The following SCMH1 variants were observed in gnomAD, a reference collection of about 807,000 sequenced individuals.
SCMH1 encodes Scm polycomb group protein homolog 1.
Under a neutral mutation model 70.8 loss-of-function variants are expected in SCMH1, and 37 were observed. The ratio of observed to expected loss-of-function variants is 0.52; its 90% CI spans 0.40 to 0.69. The LOEUF (loss-of-function observed/expected upper bound fraction) is 0.69. Among genes scored for constraint, SCMH1 ranks in the 30% least tolerant of loss-of-function variants. The pLI, the probability that SCMH1 is intolerant of heterozygous loss-of-function variation, is 0.00. For missense variants in SCMH1, 607 were observed against 827.3 expected (o/e 0.73, Z 3.27); for synonymous variants, 292 against 307.4 (o/e 0.95, Z 0.52).
intron 8 of SCMH1, among the ~76,000 whole-genome samples, chr1:41,089,787 C>CTCTT (rs1240914488): frequency 1.4e-4 from 8 of 58,732 alleles, no homozygotes; most frequent in East Asian, 6.0e-4. Flanking sequence ...CATGTTGTCT[C>CTCTT]TTTTTTTTTT....
At chr1:41,035,839 CT>C (rs57454247) in intron 13 of SCMH1, among the ~76,000 whole-genome samples, 11,880 of 152,260 alleles carry the variant, frequency 0.078, 593 homozygotes, top group South Asian at 0.12. Flanking sequence ...GCCTTCACCC[CT>C]CCACCACAGC....
chr1:41,051,298 G>A (rs1239579992), intron 10 of SCMH1, among the ~76,000 whole-genome samples: 2 of 152,146 alleles, frequency 1.3e-5, no homozygotes, highest in East Asian at 3.8e-4. Context: ...AAATAATATA[G>A]CATATAGGAT....
Position 41,142,858 on chromosome 1 carries a change from G to C in SCMH1, c.412+20C>G. On this transcript the variant is annotated intron_variant, in intron 6 of 14. Transcript: ENST00000337495. ...AACTATTAATAATTGGCTAGAAAGA[G>C]TTTGGGTTTACTTACTCACCAAGAG... 2 of 1,587,686 alleles carry C rather than the reference G, an allele frequency of 1.3e-6. No homozygotes were observed. The highest frequency in any genetic ancestry group is 1.7e-6 in the Non-Finnish European group (2 of 1,156,010).
chr1:41,215,121 G>A (rs1657824172), intron 1 of SCMH1, among the ~76,000 whole-genome samples: 1 of 152,256 alleles, frequency 6.6e-6, no homozygotes, highest in Non-Finnish European at 1.5e-5. Context: ...TTCAGAGACA[G>A]TTAAGTGTTA....
chr1:41,165,843 CTTCA>C (rs1274755445), intron 2 of SCMH1, among the ~76,000 whole-genome samples: 2 of 152,056 alleles, frequency 1.3e-5, no homozygotes, highest in East Asian at 1.9e-4. Flanking sequence ...TGTCTCTTTC[CTTCA>C]TTGTTTCCTT....
intron 2 of SCMH1, among the ~76,000 whole-genome samples, chr1:41,183,858 T>C (rs1474119851): frequency 6.6e-6 from 1 of 151,914 alleles, no homozygotes; most frequent in Non-Finnish European, 1.5e-5. Flanking sequence ...CTGCAGATAA[T>C]ATGTCATTTA....
rs1045828040 is a variant in SCMH1, at chr1:41,178,026, T to A, written c.13+8095A>T. 2.6e-5 allele frequency among the ~76,000 whole-genome samples: 4 copies of A among 152,354 alleles called. No homozygotes were observed. In the East Asian group the frequency reaches 7.7e-4, roughly 29 times the overall value. On this transcript the variant is annotated intron_variant, in intron 2 of 14. Coordinates refer to ENST00000337495, the Ensembl canonical transcript of SCMH1. ...ACCCACAAAGGGAAGCCCATCAGAC[T>A]AACAGCTGTTCTCTCGGCAGAAACT...
intron 4 of SCMH1, among the ~76,000 whole-genome samples, chr1:41,156,754 G>T (rs1330771984): frequency 6.6e-6 from 1 of 151,964 alleles, no homozygotes; most frequent in Non-Finnish European, 1.5e-5. Context: ...CTAAGGGTGG[G>T]ATTAGTGGAC....
intron 10 of SCMH1, among the ~76,000 whole-genome samples, chr1:41,069,840 C>T (rs552214137): frequency 1.3e-5 from 2 of 152,276 alleles, no homozygotes; most frequent in East Asian, 3.9e-4. Context: ...TGAGCCTTCC[C>T]TTCAGGCTCC....
intron 4 of SCMH1, among the ~76,000 whole-genome samples, chr1:41,155,528 A>C (rs1224279949): frequency 6.6e-6 from 1 of 152,182 alleles, no homozygotes; most frequent in Admixed American, 6.5e-5. Flanking sequence ...ACAAACAAAC[A>C]AACAAATACG....
chr1:41,200,633 T>A (rs1654140144), intron 1 of SCMH1, among the ~76,000 whole-genome samples: 1 of 151,752 alleles, frequency 6.6e-6, no homozygotes, highest in Non-Finnish European at 1.5e-5. Context: ...TAAATTAGTC[T>A]CATTAAACTA....
intron 8 of SCMH1, among the ~76,000 whole-genome samples, chr1:41,089,785 C>CTTTTT (rs1558778255): frequency 2.4e-4 from 9 of 37,320 alleles, no homozygotes; most frequent in Non-Finnish European, 4.3e-4. Context: ...ACCATGTTGT[C>CTTTTT]TCTTTTTTTT....
chr1:41,221,281 G>A (rs771394943), intron 1 of SCMH1, among the ~76,000 whole-genome samples: 3 of 152,076 alleles, frequency 2.0e-5, no homozygotes, highest in Non-Finnish European at 4.4e-5. Flanking sequence ...TGTTTAGTGG[G>A]TACAGTTTTA....
chr1:41,113,630 A>C lies in SCMH1; in HGVS notation c.502-104T>G. On this transcript the variant is annotated intron_variant, in intron 7 of 14. Coordinates refer to ENST00000337495, the Ensembl canonical transcript of SCMH1. This position sits in a 1 kb window ranked among gnomAD's most constrained non-coding sequence, Gnocchi z 4.3. ...GATTAAAAAGTGACTGCTACATGAG[A>C]CTTATAATGGATATATAGCCTTTCT... 3 of 1,217,954 alleles carry C rather than the reference A, an allele frequency of 2.5e-6. No individual in the cohort carries two copies. Among genetic ancestry groups the C allele is most frequent in the Non-Finnish European group, 3.4e-6 (3 of 886,966 alleles). 75.4% of individuals were successfully genotyped at this position (1,217,954 alleles called of 1,614,324 possible).
At chr1:41,168,394 T>C (rs1297865794) in intron 2 of SCMH1, among the ~76,000 whole-genome samples, 2 of 152,154 alleles carry the variant, frequency 1.3e-5, no homozygotes, top group African/African-American at 4.8e-5. Flanking sequence ...ATCGATCCTT[T>C]CTTCTGCTTC....
exon 7 of SCMH1, chr1:41,116,939 T>C (rs778135272): frequency 3.7e-6 from 6 of 1,600,648 alleles, no homozygotes; most frequent in East Asian, 2.3e-5. Flanking sequence ...AAAATCCTGA[T>C]GGGAGCCATC....
chr1:41,187,883 A>G (rs1320979695), intron 1 of SCMH1, among the ~76,000 whole-genome samples: 1 of 151,756 alleles, frequency 6.6e-6, no homozygotes, highest in African/African-American at 2.4e-5. Flanking sequence ...GCTACTTGGG[A>G]GGTTAAGGCA....
At chr1:41,108,973 AT>A (rs1192470502) in intron 8 of SCMH1, among the ~76,000 whole-genome samples, 2 of 152,052 alleles carry the variant, frequency 1.3e-5, no homozygotes, top group Non-Finnish European at 2.9e-5. Flanking sequence ...TTTCTTTCCT[AT>A]TTTTTATCAG....
Position 41,167,170 on chromosome 1 carries a change from G to A in SCMH1, c.14-5738C>T, listed in dbSNP as rs575716940. Among the ~76,000 whole-genome samples the A allele has an allele frequency of 2.6e-5, 4 of 152,076 alleles. No individual in the cohort carries two copies. In the South Asian group the frequency reaches 6.2e-4, roughly 24 times the overall value. ...TATTCATTTCCATCACATCCCAAGG[G>A]CAAATCCCACTTAATCATGGTGAAT... On this transcript the variant is annotated intron_variant, in intron 2 of 14. Transcript: ENST00000337495.
Sources: allele counts gnomAD v4.1 joint callset (sites outside exome capture counted in the v4.1 genomes callset), GRCh38; gene constraint gnomAD v4.1.1; non-coding constraint Gnocchi (gnomAD v3.1); transcripts MANE v1.5; gene names NCBI Gene and HGNC (gene_info 2026-07-23, HGNC 2026-07-21).